Variants in SYBU observed in about 807,000 individuals in gnomAD.
SYBU encodes the protein syntabulin.
In SYBU, 21 loss-of-function variants were observed where a neutral mutation model predicts 35.9. The ratio of observed to expected loss-of-function variants is 0.58; its 90% CI spans 0.41 to 0.84. SYBU has a LOEUF of 0.84. SYBU is among the 40% of genes least tolerant of loss of function. The pLI is 0.00. For synonymous variants in SYBU, 319 were observed against 324.3 expected, an observed-to-expected ratio of 0.98 and a Z score of 0.18; for missense variants, 768 against 848.2, an observed-to-expected ratio of 0.91 and a Z score of 1.17.
intron 2 of SYBU, among the ~76,000 whole-genome samples, chr8:109,622,558 A>G (rs1812548110): frequency 1.3e-5 from 2 of 152,170 alleles, no homozygotes; most frequent in South Asian, 4.1e-4. Flanking sequence ...TTCTGAGAAT[A>G]GTAAAGCCAA....
intron 2 of SYBU, among the ~76,000 whole-genome samples, chr8:109,625,598 T>A (rs1280181663): frequency 6.6e-6 from 1 of 152,096 alleles, no homozygotes. Flanking sequence ...ATTTTTAATT[T>A]TTTTTAAGGG....
rs372201824 is a variant in SYBU, at chr8:109,606,895, T to C, written c.427+11947A>G. Among the ~76,000 whole-genome samples, 32 of 152,316 alleles carry C rather than the reference T, an allele frequency of 2.1e-4. No individual in the cohort carries two copies. In the South Asian group the frequency reaches 5.6e-3, roughly 27 times the overall value. On this transcript the variant is annotated intron_variant, in intron 3 of 6. Transcript: ENST00000276646. ...AAAAAAGTAAACAAAGTTAACAATC[T>C]AGCATAATGCTGTGTTCACTTTTTT...
intron 3 of SYBU, among the ~76,000 whole-genome samples, chr8:109,614,482 G>C (rs1811516245): frequency 1.3e-5 from 2 of 152,214 alleles, no homozygotes; most frequent in South Asian, 4.1e-4. Flanking sequence ...CTTCTAATCT[G>C]TACCACAGTC....
intron 4 of SYBU, among the ~76,000 whole-genome samples, chr8:109,582,546 C>CCAAG (rs1823157501): frequency 6.6e-6 from 1 of 152,144 alleles, no homozygotes; most frequent in South Asian, 2.1e-4. Context: ...AACCTGAATA[C>CCAAG]GTAACTAGAA....
At position 109,613,462 on chromosome 8, in the gene SYBU, T is replaced by C. The variant is rs114941519; in HGVS notation, c.427+5380A>G. The stretch of plus-strand genomic sequence containing the variant: ...AACAAGTAGCTAGAGATCACACAGC[T>C]ACAAAATAGTGGTATAAAGACTTGA... On this transcript the variant is annotated intron_variant, in intron 3 of 6. Transcript: ENST00000276646. 8.4e-3 allele frequency among the ~76,000 whole-genome samples: 1,277 copies of C among 152,322 alleles called. 10 individuals are homozygous for C. Among genetic ancestry groups the C allele is most frequent in the African/African-American group, 0.029 (1,213 of 41,566 alleles).
intron 3 of SYBU, among the ~76,000 whole-genome samples, chr8:109,614,253 T>G (rs1811494610): frequency 6.6e-6 from 1 of 152,236 alleles, no homozygotes; most frequent in South Asian, 2.1e-4. Context: ...CTTCCTTGCT[T>G]TAAGATATTC....
At chr8:109,622,574 T>C (rs1160986638) in intron 2 of SYBU, among the ~76,000 whole-genome samples, 4 of 152,166 alleles carry the variant, frequency 2.6e-5, no homozygotes, top group African/African-American at 9.7e-5. Flanking sequence ...GCCAAGCTGA[T>C]GTTCTTTGGT....
chr8:109,579,777 G>C (rs1051497323), intron 5 of SYBU, 22 bp downstream of exon 5: 2 of 1,603,762 alleles, frequency 1.2e-6, no homozygotes, highest in African/African-American at 1.3e-5. Flanking sequence ...TAAGATGCAT[G>C]AATTAGGTGA....
chr8:109,673,708 C>G (rs575171699), intron 1 of SYBU, among the ~76,000 whole-genome samples: 2 of 152,114 alleles, frequency 1.3e-5, no homozygotes, highest in Non-Finnish European at 2.9e-5. Flanking sequence ...AAATAGGCTT[C>G]AGAAGGTGGG....
intron 2 of SYBU, among the ~76,000 whole-genome samples, chr8:109,622,502 G>A (rs1812541585): frequency 6.6e-6 from 1 of 152,102 alleles, no homozygotes; most frequent in South Asian, 2.1e-4. Flanking sequence ...CAAAGTGCTG[G>A]GATTATAGGT....
intron 1 of SYBU, among the ~76,000 whole-genome samples, chr8:109,659,112 C>T (rs1016167042): frequency 1.3e-5 from 2 of 152,104 alleles, no homozygotes; most frequent in Admixed American, 1.3e-4. Context: ...TGGTTTTGGA[C>T]CCTTGTGTTT....
chr8:109,575,172 C>G lies in SYBU; in HGVS notation c.1726G>C (p.Glu576Gln), dbSNP rs759622561. 2.5e-6 allele frequency: 4 copies of G among 1,614,126 alleles called. No individual in the cohort carries two copies. Among genetic ancestry groups the G allele is most frequent in the Non-Finnish European group, 3.4e-6 (4 of 1,180,058 alleles). Residue 576 changes from glutamate (E) to glutamine (Q), a missense_variant, in exon 7 of 7, where the codon GAG becomes CAG. Transcript: ENST00000276646. ...TCCACGCAGGCTGCAAAATCCAGCT[C>G]TCTCATGAGGCGGTTTGCATGAACT... ...AEVHANRLMRELDFAACVEER... is the reference protein window; with the variant it reads ...AEVHANRLMRQLDFAACVEER...
At chr8:109,689,121 A>T (rs765358957) in intron 1 of SYBU, among the ~76,000 whole-genome samples, 16 of 152,216 alleles carry the variant, frequency 1.1e-4, no homozygotes, top group Non-Finnish European at 1.9e-4. Context: ...ATGTACTTAC[A>T]AAATGACTGT....
intron 4 of SYBU, among the ~76,000 whole-genome samples, chr8:109,582,899 G>GGCCA (rs1411927125): frequency 1.3e-5 from 2 of 152,150 alleles, no homozygotes; most frequent in Admixed American, 1.3e-4. Context: ...GGGAGAAGAT[G>GGCCA]GCCACTACAA....
chr8:109,579,161 C>T (rs921219413), intron 5 of SYBU, among the ~76,000 whole-genome samples: 3 of 152,194 alleles, frequency 2.0e-5, no homozygotes, highest in African/African-American at 7.2e-5. Flanking sequence ...CCCTGAGCAC[C>T]TGCCTGCCTC....
intron 2 of SYBU, among the ~76,000 whole-genome samples, chr8:109,628,835 T>C (rs1478522032): frequency 2.6e-5 from 4 of 151,938 alleles, no homozygotes; most frequent in Non-Finnish European, 5.9e-5. Flanking sequence ...AAAAAAGATA[T>C]TTGGGATTTA....
chr8:109,623,669 G>A (rs984226776), intron 2 of SYBU, among the ~76,000 whole-genome samples: 4 of 152,194 alleles, frequency 2.6e-5, no homozygotes, highest in Non-Finnish European at 4.4e-5. Context: ...ATAGGATATA[G>A]TTAATAATTA....
intron 3 of SYBU, among the ~76,000 whole-genome samples, chr8:109,605,808 A>G (rs1389051371): frequency 6.6e-6 from 1 of 152,152 alleles, no homozygotes; most frequent in African/African-American, 2.4e-5. Context: ...TCATTCCCCA[A>G]ACTTTGAATC....
intron 2 of SYBU, among the ~76,000 whole-genome samples, chr8:109,620,288 G>A (rs1812275705): frequency 6.6e-6 from 1 of 152,108 alleles, no homozygotes; most frequent in South Asian, 2.1e-4. Context: ...ATTAGACAAA[G>A]AACAAATAAA....
Sources: gnomAD v4.1 joint callset for allele counts (sites outside exome capture counted in the v4.1 genomes callset) on GRCh38, gnomAD v4.1.1 for gene constraint, MANE v1.5 for transcripts, NCBI Gene and HGNC (gene_info 2026-07-23, HGNC 2026-07-21) for gene names.